Variants in HYKK observed in about 807,000 individuals in gnomAD.
The protein encoded by HYKK is 5-hydroxy-L-lysine kinase.
Under a neutral mutation model 29.7 loss-of-function variants are expected in HYKK, and 19 were observed. The ratio of observed to expected loss-of-function variants is 0.64; its 90% confidence interval spans 0.45 to 0.94. The LOEUF is 0.94. HYKK is among the 40% of genes least tolerant of loss of function. The probability of loss-of-function intolerance (pLI) is 0.00; values close to 1 mark genes in which losing one functional copy is unlikely to be tolerated. For synonymous variants in HYKK, 152 were observed against 158.1 expected (o/e 0.96, Z 0.29); for missense variants, 390 against 443.4 (o/e 0.88, Z 1.08).
intron 3 of HYKK, among the ~76,000 whole-genome samples, chr15:78,519,289 G>C (rs945546150): frequency 3.9e-5 from 6 of 152,186 alleles, no homozygotes; most frequent in African/African-American, 1.4e-4. Flanking sequence ...AAGGGTTTGG[G>C]TGGTAAACAT....
rs1199728546 is a variant in HYKK, at chr15:78,533,475, A to G, written c.927A>G (p.Val309=). The G allele has an allele frequency of 1.9e-6, 3 of 1,614,094 alleles. No individual in the cohort carries two copies. The Admixed American group carries it at 5.0e-5, about 27-fold the overall frequency. ...AVEKGALFLL[V]CSRFCQSLVM... ...AGAAGGGTGCTTTGTTTTTACTTGT[A>G]TGCAGTCGTTTTTGTCAGTCACTTG... The change falls in exon 5 of 5, where the codon GTA becomes GTG. Residue 309 remains valine (V), a synonymous_variant. Coordinates refer to ENST00000388988, the MANE Select transcript of HYKK (RefSeq NM_001013619.4).
chr15:78,512,400 C>CTTT (rs902963099), intron 1 of HYKK, among the ~76,000 whole-genome samples: 15 of 125,656 alleles, frequency 1.2e-4, no homozygotes, highest in Non-Finnish European at 1.5e-4. Context: ...TTTTCTTTTT[C>CTTT]TTTTTTTTTT....
rs200763849 is a variant in HYKK at position 78,513,241 on chromosome 15, C to T, written c.153C>T (p.Tyr51=). ...PSYDDQNFHV[Y]VSKTKDGPTE... ...ATGATGACCAAAACTTTCATGTCTA[C>T]GTTTCAAAAACCAAAGATGGCCCAA... The change falls in exon 2 of 5, where the codon TAC becomes TAT. Residue 51 remains tyrosine, a synonymous_variant. Coordinates refer to ENST00000388988, the MANE Select transcript of HYKK (RefSeq NM_001013619.4). 3.6e-4 allele frequency: 577 copies of T among 1,614,038 alleles called. 1 individual carries two copies. Among genetic ancestry groups the T allele is most frequent in the Admixed American group, 1.0e-4 (6 of 59,988 alleles).
At position 78,514,908 on chromosome 15, in the gene HYKK, C is replaced by CTATA. The variant is rs1555411228; in HGVS notation, c.338-43_338-40dup. 1.0e-3 allele frequency: 387 copies of CTATA among 385,448 alleles called. 2 individuals are homozygous for CTATA. The highest frequency in any genetic ancestry group is 5.7e-3 in the African/African-American group (230 of 40,480). The allele number at this position is 385,448 out of a possible 1,614,324, so 23.9% of individuals were successfully genotyped here. ...TAAATACCTCTCTCTCTCTCTCTCTCTATATATATATATATATATAAATAA... is the reference window on the plus strand; with the variant it reads ...TAAATACCTCTCTCTCTCTCTCTCTCTATATATATATATATATATATATAAATAA... On this transcript the variant is annotated intron_variant, in intron 2 of 4. Coordinates refer to ENST00000388988, the MANE Select transcript of HYKK (RefSeq NM_001013619.4).
In HYKK at chr15:78,513,313, A is replaced by G. The variant is rs1344537365; in HGVS notation, c.225A>G (p.Pro75=). The change falls in exon 2 of 5, where the codon CCA becomes CCG. Residue 75 remains proline (P), a synonymous_variant. Transcript: ENST00000388988. ...GCAACACCAAGGCTAGCAAAAATCC[A>G]GACCTGATTGAAGTGCAGAATCACA... The part of the protein sequence containing the change: ...KISNTKASKN[P]DLIEVQNHII... 1.2e-6 allele frequency: 2 copies of G among 1,614,230 alleles called. No homozygotes were observed. The highest frequency in any genetic ancestry group is 2.7e-5 in the African/African-American group (2 of 75,066).
At chr15:78,511,662 C>T (rs2052074364) in intron 1 of HYKK, among the ~76,000 whole-genome samples, 1 of 151,782 alleles carries the variant, frequency 6.6e-6, no homozygotes, top group African/African-American at 2.4e-5. Flanking sequence ...GTTGAGGCTG[C>T]AGTGAGTTGT....
chr15:78,527,165 G>C (rs1356123971), intron 3 of HYKK, among the ~76,000 whole-genome samples: 2 of 151,240 alleles, frequency 1.3e-5, no homozygotes, highest in Non-Finnish European at 2.9e-5. Flanking sequence ...ATATGCCTGT[G>C]ATCCCAGCTA....
chr15:78,528,912 C>T (rs1014510950), intron 4 of HYKK: 26 of 920,072 alleles, frequency 2.8e-5, no homozygotes, highest in Middle Eastern at 5.6e-4. Flanking sequence ...TAAGGTGTAG[C>T]GTAAAAACAG....
chr15:78,512,989 A>C (rs550101086), intron 1 of HYKK, 95 bp from the exon 2 acceptor site: 1 of 680,652 alleles, frequency 1.5e-6, no homozygotes, highest in East Asian at 2.6e-5. Flanking sequence ...GTACAGAATC[A>C]ACAGAAACAT....
At chr15:78,511,669 T>C (rs2052074454) in intron 1 of HYKK, among the ~76,000 whole-genome samples, 1 of 151,616 alleles carries the variant, frequency 6.6e-6, no homozygotes, top group Admixed American at 6.6e-5. Context: ...CTGCAGTGAG[T>C]TGTAGTCATG....
chr15:78,508,880 C>CAAAAAAAAAAAA (rs71148531), intron 1 of HYKK, among the ~76,000 whole-genome samples: 3,403 of 55,358 alleles, frequency 0.061, 660 homozygotes, highest in Non-Finnish European at 0.081. Flanking sequence ...CCTCTCTCTC[C>CAAAAAAAAAAAA]AAAAAAAAAA....
chr15:78,520,434 A>C (rs1304531246), intron 3 of HYKK, among the ~76,000 whole-genome samples: 1 of 152,042 alleles, frequency 6.6e-6, no homozygotes, highest in Non-Finnish European at 1.5e-5. Context: ...GGGAGTGGTG[A>C]TGACTCTTAA....
chr15:78,526,880 C>CT (rs1054978491), intron 3 of HYKK, among the ~76,000 whole-genome samples: 1 of 152,214 alleles, frequency 6.6e-6, no homozygotes, highest in African/African-American at 2.4e-5. Flanking sequence ...TGCCAGCTCT[C>CT]TCCCTCACAG....
intron 4 of HYKK, among the ~76,000 whole-genome samples, chr15:78,532,164 A>G (rs1192239565): frequency 6.6e-6 from 1 of 152,106 alleles, no homozygotes; most frequent in Non-Finnish European, 1.5e-5. Context: ...TTTTCCCCCA[A>G]CCCATTACAG....
chr15:78,524,305 C>A (rs1043742001), intron 3 of HYKK, among the ~76,000 whole-genome samples: 1 of 152,246 alleles, frequency 6.6e-6, no homozygotes, highest in Non-Finnish European at 1.5e-5. Context: ...ACCAAGGCTT[C>A]TAGCTTGCGC....
intron 3 of HYKK, among the ~76,000 whole-genome samples, chr15:78,525,254 C>T (rs1488224289): frequency 1.3e-5 from 2 of 151,438 alleles, no homozygotes; most frequent in South Asian, 4.2e-4. Flanking sequence ...CTCCCAGATT[C>T]ATGCCATTCT....
At chr15:78,532,245 G>A (rs925687836) in intron 4 of HYKK, among the ~76,000 whole-genome samples, 4 of 152,168 alleles carry the variant, frequency 2.6e-5, no homozygotes, top group Non-Finnish European at 5.9e-5. Context: ...ATGGGAGTTT[G>A]ACAAAACTTG....
At chr15:78,527,334 G>A in intron 3 of HYKK, 46 bp from the exon 4 acceptor site, 1 of 1,540,090 alleles carries the variant, frequency 6.5e-7, no homozygotes, top group South Asian at 1.1e-5. Context: ...TCTCTCAGCA[G>A]TGGTTGCTCT....
downstream of HYKK, chr15:78,537,371 C>A: frequency 1.7e-6 from 1 of 600,420 alleles, no homozygotes; most frequent in Non-Finnish European, 3.1e-6. Flanking sequence ...AATGAACACA[C>A]CACTACAAGT....
Sources: gnomAD v4.1 joint callset for allele counts (sites outside exome capture counted in the v4.1 genomes callset) on GRCh38, gnomAD v4.1.1 for gene constraint, MANE v1.5 for transcripts, NCBI Gene and HGNC (gene_info 2026-07-23, HGNC 2026-07-21) for gene names.